Variants in MPPED1 observed in about 807,000 individuals in gnomAD.
MPPED1 encodes metallophosphoesterase domain containing 1, also known as metallophosphoesterase domain-containing protein 1.
Under a neutral mutation model 36.2 loss-of-function variants are expected in MPPED1, and 16 were observed. The observed-to-expected ratio is 0.44, with a 90% CI of 0.30 to 0.67. The LOEUF (loss-of-function observed/expected upper bound fraction) is 0.67, where lower values mean the gene tolerates loss of function less well. Among genes scored for constraint, MPPED1 ranks in the 30% least tolerant of loss-of-function variants. MPPED1 has a pLI of 0.10. For missense variants in MPPED1, 307 were observed against 453.4 expected (o/e 0.68, Z 2.93); for synonymous variants, 199 against 191.3 (o/e 1.04, Z -0.33).
chr22:43,424,795 GTTT>G, intron 1 of MPPED1, 110 bp from the exon 2 acceptor site: 1 of 1,320,930 alleles, frequency 7.6e-7, no homozygotes, highest in Admixed American at 2.9e-5. Context: ...GTACGACTGT[GTTT>G]TTTTTTCCTC....
chr22:43,415,225 C>CAAAAAAAAAAAAAAAAAAAAAGAA (rs1929037245), intron 1 of MPPED1, among the ~76,000 whole-genome samples: 1 of 49,416 alleles, frequency 2.0e-5, no homozygotes. Flanking sequence ...ATGTCAAAAG[C>CAAAAAAAAAAAAAAAAAAAAAGAA]AAAAAAAAAA....
At chr22:43,499,518 T>G (rs1259433450) in intron 5 of MPPED1, among the ~76,000 whole-genome samples, 1 of 123,808 alleles carries the variant, frequency 8.1e-6, no homozygotes, top group Non-Finnish European at 1.7e-5. Context: ...GAGGTGATGG[T>G]GGTGGTGATG....
intron 3 of MPPED1, among the ~76,000 whole-genome samples, chr22:43,438,510 G>GT (rs1412806790): frequency 1.3e-5 from 2 of 152,114 alleles, no homozygotes; most frequent in African/African-American, 4.8e-5. Flanking sequence ...CTTTGGGAAG[G>GT]TTTTTGTATG....
At chr22:43,476,072 T>C (rs559853547) in intron 4 of MPPED1, among the ~76,000 whole-genome samples, 12 of 151,892 alleles carry the variant, frequency 7.9e-5, no homozygotes, top group African/African-American at 2.9e-4. Context: ...ATGATCATGG[T>C]GGGGGTGGTG....
intron 3 of MPPED1, among the ~76,000 whole-genome samples, chr22:43,441,648 G>A (rs572039428): frequency 1.3e-5 from 2 of 152,294 alleles, no homozygotes; most frequent in South Asian, 4.1e-4. Context: ...AATTAAGTTT[G>A]CACTGGCGCC....
At position 43,492,949 on chromosome 22, in the gene MPPED1, A is replaced by G. The variant is rs554451415; in HGVS notation, c.633-5286A>G. On this transcript the variant is annotated intron_variant, in intron 4 of 6. Transcript: ENST00000443721. ...AAGAACAGGTAAAGTCCTGCTCAAC[A>G]TCCTGTTAACAATTTATTCATTAAT... Among the ~76,000 whole-genome samples, 9 of 152,300 alleles carry G rather than the reference A, an allele frequency of 5.9e-5. No homozygotes were observed. In the South Asian group the frequency reaches 1.9e-3, roughly 32 times the overall value.
chr22:43,501,070 C>T (rs1054974812), intron 5 of MPPED1, among the ~76,000 whole-genome samples: 34 of 152,160 alleles, frequency 2.2e-4, no homozygotes, highest in African/African-American at 7.5e-4. Context: ...GCCCCTCTGC[C>T]TCCTCACAAA....
chr22:43,500,160 GTGATGGTGA>G (rs1932633427), intron 5 of MPPED1, among the ~76,000 whole-genome samples: 3 of 105,242 alleles, frequency 2.9e-5, no homozygotes, highest in African/African-American at 1.0e-4. Context: ...GGTGGTGGTG[GTGATGGTGA>G]TGGAGGTGGT....
In MPPED1 at chr22:43,435,135, A is replaced by C; in HGVS notation, c.326A>C (p.Tyr109Ser). 6.2e-7 allele frequency: 1 copy of C among 1,613,812 alleles called. No individual in the cohort carries two copies. The highest frequency in any genetic ancestry group is 8.5e-7 in the Non-Finnish European group (1 of 1,179,888). Residue 109 changes from tyrosine (Y) to serine (S), a missense_variant, in exon 3 of 7, where the codon TAC (tyrosine) becomes TCC (serine). Physicochemically the swap from Tyr to Ser is moderately radical, Grantham distance 144. Transcript: ENST00000443721. ...AGGACGGACCCCATCCAGATGCCGT[A>C]CGGCGACGTGCTGATCCACGCTGGG... Reference protein sequence around the residue: ...HSRTDPIQMPYGDVLIHAGDF... With the variant: ...HSRTDPIQMPSGDVLIHAGDF...
chr22:43,417,881 G>A (rs970399192), intron 1 of MPPED1: 26 of 367,382 alleles, frequency 7.1e-5, no homozygotes, highest in Middle Eastern at 9.0e-4. Context: ...AGGAGACGGA[G>A]CCAAGGTGCG....
chr22:43,428,729 C>T (rs1029013337), intron 2 of MPPED1, among the ~76,000 whole-genome samples: 4 of 152,108 alleles, frequency 2.6e-5, no homozygotes, highest in Admixed American at 1.3e-4. Context: ...CTGCTGGTGA[C>T]GAGGCCGCCT....
chr22:43,446,491 C>T (rs776623166), intron 3 of MPPED1, among the ~76,000 whole-genome samples: 1 of 152,174 alleles, frequency 6.6e-6, no homozygotes, highest in Non-Finnish European at 1.5e-5. Flanking sequence ...TGGAGGCAGC[C>T]AGCCGTGCCC....
At chr22:43,492,961 A>G (rs1356670029) in intron 4 of MPPED1, among the ~76,000 whole-genome samples, 2 of 152,196 alleles carry the variant, frequency 1.3e-5, no homozygotes, top group African/African-American at 2.4e-5. Context: ...CCTGTTAACA[A>G]TTTATTCATT....
chr22:43,440,101 G>T (rs552140551), intron 3 of MPPED1, among the ~76,000 whole-genome samples: 41 of 152,372 alleles, frequency 2.7e-4, no homozygotes, highest in African/African-American at 9.9e-4. Context: ...GGAATGTGCA[G>T]CCGTGAGTGG....
rs183706294 is a variant in MPPED1 at position 43,420,836 on chromosome 22, G to A, written c.-78-4072G>A. 3.0e-3 allele frequency among the ~76,000 whole-genome samples: 460 copies of A among 152,236 alleles called. 3 individuals carry two copies. Among genetic ancestry groups the A allele is most frequent in the Non-Finnish European group, 4.4e-3 (298 of 68,000 alleles). On this transcript the variant is annotated intron_variant, in intron 1 of 6. Transcript: ENST00000443721. Reference sequence around the variant, plus strand: ...TACTTTATTGTCCCCCCTCCACCCCGTCCCATGTTCCTCAAGGGCAGGAGC... The same window carrying A: ...TACTTTATTGTCCCCCCTCCACCCCATCCCATGTTCCTCAAGGGCAGGAGC...
At chr22:43,447,884 T>TATATATA (rs1491157280) in intron 3 of MPPED1, among the ~76,000 whole-genome samples, 813 of 46,068 alleles carry the variant, frequency 0.018, 9 homozygotes, top group Middle Eastern at 0.023. Flanking sequence ...TATATATATA[T>TATATATA]TTTTTTTTTT....
At chr22:43,495,063 T>A (rs946773777) in intron 4 of MPPED1, among the ~76,000 whole-genome samples, 1 of 151,974 alleles carries the variant, frequency 6.6e-6, no homozygotes, top group African/African-American at 2.4e-5. Flanking sequence ...AAATATTAAT[T>A]TTGGGGGGAT....
chr22:43,441,761 G>A (rs1404855593), intron 3 of MPPED1, among the ~76,000 whole-genome samples: 1 of 152,222 alleles, frequency 6.6e-6, no homozygotes, highest in Admixed American at 6.5e-5. Flanking sequence ...ATCCATGAGG[G>A]AGGAAGGGGG....
chr22:43,488,503 A>T (rs1219209877), intron 4 of MPPED1, among the ~76,000 whole-genome samples: 2 of 152,164 alleles, frequency 1.3e-5, no homozygotes, highest in Non-Finnish European at 2.9e-5. Context: ...GGCCACGAGG[A>T]GGTCATTTAT....
Sources: allele counts gnomAD v4.1 joint callset (sites outside exome capture counted in the v4.1 genomes callset), GRCh38; gene constraint gnomAD v4.1.1; transcripts MANE v1.5; gene names NCBI Gene and HGNC (gene_info 2026-07-23, HGNC 2026-07-21).